The following MACROD2 variants were observed in gnomAD, a reference collection of about 807,000 sequenced individuals.
The protein encoded by MACROD2 is ADP-ribose glycohydrolase MACROD2.
Under a neutral mutation model 70.4 loss-of-function variants are expected in MACROD2, and 36 were observed. The observed-to-expected ratio is 0.51, with a 90% CI of 0.39 to 0.68. The LOEUF (loss-of-function observed/expected upper bound fraction) is 0.68, where lower values mean the gene tolerates loss of function less well. Ranked by LOEUF, MACROD2 falls within the 30% of genes least tolerant of loss-of-function variation. The probability of loss-of-function intolerance (pLI) is 0.00; values close to 1 mark genes in which losing one functional copy is unlikely to be tolerated. For synonymous variants in MACROD2, 172 were observed against 178.8 expected, an observed-to-expected ratio of 0.96 and a Z score of 0.30; for missense variants, 496 against 538.4, an observed-to-expected ratio of 0.92 and a Z score of 0.78.
intron 5 of MACROD2, among the ~76,000 whole-genome samples, chr20:14,910,321 T>C (rs1568869220): frequency 6.6e-6 from 1 of 152,130 alleles, no homozygotes; most frequent in South Asian, 2.1e-4. Context: ...GGAAAGAAGA[T>C]TGGGGAGCAG....
At chr20:15,945,499 T>A (rs371091325) in intron 12 of MACROD2, among the ~76,000 whole-genome samples, 60 of 152,358 alleles carry the variant, frequency 3.9e-4, no homozygotes, top group African/African-American at 1.4e-3. Context: ...CATATCCTTA[T>A]ATGCTGATGC....
At chr20:15,927,769 C>G (rs929216728) in intron 10 of MACROD2, among the ~76,000 whole-genome samples, 8 of 152,166 alleles carry the variant, frequency 5.3e-5, no homozygotes, top group African/African-American at 1.9e-4. Context: ...TAAAATAGAT[C>G]AATCAGCTAA....
intron 7 of MACROD2, among the ~76,000 whole-genome samples, chr20:15,446,673 G>A (rs1487298300): frequency 1.3e-5 from 2 of 152,158 alleles, no homozygotes; most frequent in Non-Finnish European, 2.9e-5. Flanking sequence ...GCAGCTCAGG[G>A]GCTCCAAGCT....
At chr20:14,844,640 C>G (rs913473379) in intron 5 of MACROD2, among the ~76,000 whole-genome samples, 1 of 152,050 alleles carries the variant, frequency 6.6e-6, no homozygotes, top group Admixed American at 6.6e-5. Flanking sequence ...TTAGTATAAA[C>G]TCAGATACTT....
intron 2 of MACROD2, among the ~76,000 whole-genome samples, chr20:14,014,080 CTAGTTTTCT>C (rs1429444159): frequency 6.6e-6 from 1 of 152,026 alleles, no homozygotes; most frequent in Non-Finnish European, 1.5e-5. Context: ...ACATAGTCTA[CTAGTTTTCT>C]TTTTAACATA....
intron 10 of MACROD2, among the ~76,000 whole-genome samples, chr20:15,901,072 C>G (rs766934503): frequency 2.6e-5 from 4 of 152,160 alleles, no homozygotes; most frequent in Non-Finnish European, 4.4e-5. Context: ...GAACAAAATA[C>G]TTTTGCAAGC....
intron 3 of MACROD2, among the ~76,000 whole-genome samples, chr20:14,118,811 A>C (rs1197973347): frequency 6.7e-6 from 1 of 149,510 alleles, no homozygotes. Context: ...ACTAAAAAGC[A>C]TGGTTATAAA....
At position 14,449,028 on chromosome 20, in the gene MACROD2, A is replaced by G. The variant is rs1384609594; in HGVS notation, c.272-44451A>G. On this transcript the variant is annotated intron_variant, in intron 3 of 17. Coordinates refer to ENST00000684519, the MANE Select transcript of MACROD2 (RefSeq NM_001351661.2). Reference sequence around the variant, plus strand: ...AGAATCTTTTCTCTGGCACAATAGGAAAGTTAGGTTCTAGTTGAAGAAACT... The same window carrying G: ...AGAATCTTTTCTCTGGCACAATAGGGAAGTTAGGTTCTAGTTGAAGAAACT... Among the ~76,000 whole-genome samples the G allele has an allele frequency of 2.6e-5, 4 of 152,202 alleles. No homozygotes were observed. The South Asian group carries it at 8.3e-4, about 31-fold the overall frequency.
At chr20:14,239,952 C>T (rs1473926620) in intron 3 of MACROD2, among the ~76,000 whole-genome samples, 7 of 152,078 alleles carry the variant, frequency 4.6e-5, no homozygotes, top group African/African-American at 1.7e-4. Context: ...CTCTTATATC[C>T]GGAATCTATA....
At position 15,981,820 on chromosome 20, in the gene MACROD2, A is replaced by G. The variant is rs117200960; in HGVS notation, c.986-4907A>G. Among the ~76,000 whole-genome samples the G allele has an allele frequency of 1.6e-3, 244 of 152,218 alleles. 1 individual carries two copies. The highest frequency in any genetic ancestry group is 3.5e-3 in the Admixed American group (54 of 15,284). Reference sequence around the variant, plus strand: ...GGGTCTGAGGGGTTTGTGATGACTAATTCTAAAGGGTTACAGTTCTCACTC... The same window carrying G: ...GGGTCTGAGGGGTTTGTGATGACTAGTTCTAAAGGGTTACAGTTCTCACTC... On this transcript the variant is annotated intron_variant, in intron 13 of 17. Transcript: ENST00000684519.
intron 2 of MACROD2, among the ~76,000 whole-genome samples, chr20:14,016,711 A>G (rs1190743009): frequency 1.3e-5 from 2 of 152,142 alleles, no homozygotes; most frequent in Non-Finnish European, 2.9e-5. Context: ...AAAACATTCT[A>G]TTGATTTGTA....
At chr20:14,155,335 C>G (rs2055086725) in intron 3 of MACROD2, among the ~76,000 whole-genome samples, 1 of 152,050 alleles carries the variant, frequency 6.6e-6, no homozygotes, top group Admixed American at 6.6e-5. Flanking sequence ...AAAATTTCTT[C>G]CGAGATTTCT....
chr20:14,322,175 A>AATAAATATATATATATATATATATATAT (rs2082667226), intron 3 of MACROD2, among the ~76,000 whole-genome samples: 12 of 66,370 alleles, frequency 1.8e-4, no homozygotes, highest in Non-Finnish European at 3.5e-4. Context: ...ATTCTATTGA[A>AATAAATATATATATATATATATATATAT]ATATATATAT....
At chr20:15,007,340 G>T (rs934333608) in intron 5 of MACROD2, among the ~76,000 whole-genome samples, 3 of 151,942 alleles carry the variant, frequency 2.0e-5, no homozygotes, top group Non-Finnish European at 4.4e-5. Flanking sequence ...CTCCAGCCTG[G>T]GCGACAGAGT....
chr20:14,904,458 TATATAGGTGGGTACATATATGCATTATGC>T (rs2073934520), intron 5 of MACROD2, among the ~76,000 whole-genome samples: 1 of 152,068 alleles, frequency 6.6e-6, no homozygotes, highest in Admixed American at 6.6e-5. Context: ...AACTTAAAAA[TATATAGGTGGGTACATATATGCATTATGC>T]ATATATGTAC....
intron 5 of MACROD2, among the ~76,000 whole-genome samples, chr20:14,692,466 G>A (rs1309541303): frequency 6.6e-6 from 1 of 152,140 alleles, no homozygotes; most frequent in Non-Finnish European, 1.5e-5. Context: ...TTTTAAGAAG[G>A]GAAGGTGTCC....
rs779318217 is a variant in MACROD2 at position 14,979,824 on chromosome 20, G to C, written c.419-250116G>C. On this transcript the variant is annotated intron_variant, in intron 5 of 17. Coordinates refer to ENST00000684519, the MANE Select transcript of MACROD2 (RefSeq NM_001351661.2). ...TAGAATAATATGAACTTTGGAACTA[G>C]ACAAAACTGAATTGAGTTTTGCCTT... 6.0e-4 allele frequency among the ~76,000 whole-genome samples: 92 copies of C among 152,168 alleles called. 1 individual carries two copies. Among genetic ancestry groups the C allele is most frequent in the Non-Finnish European group, 2.2e-4 (15 of 68,018 alleles).
At chr20:14,348,837 G>A (rs2083090902) in intron 3 of MACROD2, among the ~76,000 whole-genome samples, 1 of 152,134 alleles carries the variant, frequency 6.6e-6, no homozygotes, top group Non-Finnish European at 1.5e-5. Flanking sequence ...GGAGGCTGAG[G>A]CAGGCAGATC....
chr20:15,575,318 T>C, intron 8 of MACROD2, among the ~76,000 whole-genome samples: 1 of 152,164 alleles, frequency 6.6e-6, no homozygotes, highest in African/African-American at 2.4e-5. Context: ...TATAACATCA[T>C]TAAAATAGAA....
Sources: gnomAD v4.1 joint callset for allele counts (sites outside exome capture counted in the v4.1 genomes callset) on GRCh38, gnomAD v4.1.1 for gene constraint, MANE v1.5 for transcripts, NCBI Gene and HGNC (gene_info 2026-07-23, HGNC 2026-07-21) for gene names.